Variants in ARID4A observed in about 807,000 individuals in gnomAD.
ARID4A encodes AT-rich interactive domain-containing protein 4A.
ARID4A carries 39 observed loss-of-function variants against 148.6 expected under a neutral mutation model. That is an observed-to-expected ratio of 0.26 (90% CI 0.20 to 0.34). The LOEUF (loss-of-function observed/expected upper bound fraction) is 0.34. Among genes scored for constraint, ARID4A ranks in the 10% least tolerant of loss-of-function variants. ARID4A has a pLI of 1.00. For missense variants in ARID4A, 1,265 were observed against 1,449.1 expected (o/e 0.87, Z 2.06); for synonymous variants, 475 against 481.2 (o/e 0.99, Z 0.17).
rs375919762 is a variant in ARID4A at position 58,354,261 on chromosome 14, G to A, written c.1853+406G>A. Among the ~76,000 whole-genome samples, 3 of 152,264 alleles carry A rather than the reference G, an allele frequency of 2.0e-5. No homozygotes were observed. In the East Asian group the frequency reaches 5.8e-4, roughly 29 times the overall value. ...GGAGCCAGGCCTGCAACTTCCAACCGTGCAAGTGTTTGTTTCATTAATCAG... is the reference window on the plus strand; with the variant it reads ...GGAGCCAGGCCTGCAACTTCCAACCATGCAAGTGTTTGTTTCATTAATCAG... On this transcript the variant is annotated intron_variant, in intron 17 of 23. Coordinates refer to ENST00000355431, the MANE Select transcript of ARID4A (RefSeq NM_002892.4).
intron 7 of ARID4A, among the ~76,000 whole-genome samples, chr14:58,320,080 C>T (rs751967009): frequency 6.7e-6 from 1 of 150,244 alleles, no homozygotes; most frequent in Non-Finnish European, 1.5e-5. Context: ...CCCGAGTAGT[C>T]AGAACTACAG....
chr14:58,365,102 G>A lies in ARID4A; in HGVS notation c.3013G>A (p.Val1005Ile), dbSNP rs779904335. 4.3e-6 allele frequency: 7 copies of A among 1,614,012 alleles called. No individual in the cohort carries two copies. The South Asian group carries it at 7.7e-5, about 18-fold the overall frequency. ...TCCTGTAGTCCAACATAACTTTTCA[G>A]TAGCTTCACCACTTACTCTTAGTCA... ...LPPVVQHNFS[V>I]ASPLTLSQDE... The change falls in exon 20 of 24, where the codon GTA (valine) becomes ATA (isoleucine). Residue 1005 changes from valine to isoleucine, a missense_variant. This residue lies in a region of ARID4A where 666 missense variants were observed against 730.9 expected (regional missense o/e 0.91). Coordinates refer to ENST00000355431, the MANE Select transcript of ARID4A (RefSeq NM_002892.4).
In ARID4A at chr14:58,367,162, A is replaced by G. The variant is rs113596646; in HGVS notation, c.3670+133A>G. Reference sequence around the variant, plus strand: ...TGTTTTTAAATTCCTAGTGTTTTCTATTGTTGAAATGAGTAGGTCAGCAAC... The same window carrying G: ...TGTTTTTAAATTCCTAGTGTTTTCTGTTGTTGAAATGAGTAGGTCAGCAAC... On this transcript the variant is annotated intron_variant, in intron 23 of 23. Transcript: ENST00000355431. The G allele has an allele frequency of 1.9e-5, 13 of 690,374 alleles. No homozygotes were observed. The Admixed American group carries it at 2.2e-4, about 12-fold the overall frequency. The allele number at this position is 690,374 out of a possible 1,614,324, so 42.8% of individuals were successfully genotyped here. A position where few individuals can be genotyped will look rare whatever the true frequency, so the allele number is the denominator to read the frequency against.
At chr14:58,363,701 A>AAAAAG (rs1161063152) in intron 19 of ARID4A, among the ~76,000 whole-genome samples, 3 of 152,174 alleles carry the variant, frequency 2.0e-5, no homozygotes, top group Non-Finnish European at 4.4e-5. Flanking sequence ...GTCTCAAAAA[A>AAAAAG]AAAAGAAAAG....
chr14:58,362,073 C>G (rs1369051771), intron 19 of ARID4A, among the ~76,000 whole-genome samples: 1 of 152,062 alleles, frequency 6.6e-6, no homozygotes, highest in Non-Finnish European at 1.5e-5. Context: ...TCCATGCATC[C>G]TAATGTGTGC....
chr14:58,333,464 T>C (rs991881716), intron 11 of ARID4A, among the ~76,000 whole-genome samples: 5 of 152,080 alleles, frequency 3.3e-5, no homozygotes, highest in South Asian at 2.1e-4. Flanking sequence ...ATGTGACCAG[T>C]GTTAGCTTTT....
intron 5 of ARID4A, among the ~76,000 whole-genome samples, chr14:58,315,495 A>G (rs1016828938): frequency 3.9e-5 from 6 of 152,180 alleles, no homozygotes; most frequent in African/African-American, 1.4e-4. Context: ...TTGGTCTTAC[A>G]TTCACATTTT....
intron 1 of ARID4A, chr14:58,299,311 A>G (rs2030901471): frequency 6.5e-6 from 1 of 153,546 alleles, no homozygotes; most frequent in African/African-American, 2.4e-5. Flanking sequence ...CATGGTGCAG[A>G]GCGAAGGAAG....
At chr14:58,352,291 C>A (rs1317330020) in intron 16 of ARID4A, among the ~76,000 whole-genome samples, 1 of 151,766 alleles carries the variant, frequency 6.6e-6, no homozygotes, top group African/African-American at 2.4e-5. Context: ...TTACATATGA[C>A]CTAGGTTAGT....
chr14:58,338,649 A>AGG (rs2033950875), intron 11 of ARID4A, among the ~76,000 whole-genome samples: 1 of 152,140 alleles, frequency 6.6e-6, no homozygotes, highest in Non-Finnish European at 1.5e-5. Context: ...TGGGGTGAGA[A>AGG]GGGTAGCCCA....
chr14:58,359,220 T>A lies in ARID4A; in HGVS notation c.1938+4T>A. The A allele has an allele frequency of 6.3e-7, 1 of 1,585,296 alleles. No individual in the cohort carries two copies. The stretch of plus-strand genomic sequence containing the variant: ...AAAACAGAAGAAAAAAGCTAAAGTA[T>A]GTTTGTAGATTTATGTCCTTTATAA... On this transcript the variant is annotated splice_donor_region_variant and intron_variant, in intron 18 of 23. Coordinates refer to ENST00000355431, the MANE Select transcript of ARID4A (RefSeq NM_002892.4).
intron 17 of ARID4A, among the ~76,000 whole-genome samples, chr14:58,356,847 G>A (rs956033528): frequency 1.3e-5 from 2 of 151,762 alleles, no homozygotes; most frequent in African/African-American, 4.8e-5. Context: ...GACTACAGAC[G>A]CACGCCACCA....
At chr14:58,304,377 G>T (rs1016793504) in intron 3 of ARID4A, among the ~76,000 whole-genome samples, 1 of 152,122 alleles carries the variant, frequency 6.6e-6, no homozygotes, top group African/African-American at 2.4e-5. Flanking sequence ...CCTAGATTTT[G>T]AATTTATTTG....
intron 5 of ARID4A, among the ~76,000 whole-genome samples, chr14:58,316,924 T>TG (rs138444543): frequency 1 from 151,250 of 151,252 alleles, 75,624 homozygotes; most frequent in Middle Eastern, 1. Flanking sequence ...CCAGGCGCGG[T>TG]GCTCACGCCT....
chr14:58,313,205 T>G (rs769215354), intron 5 of ARID4A, among the ~76,000 whole-genome samples: 2 of 152,164 alleles, frequency 1.3e-5, no homozygotes, highest in Non-Finnish European at 2.9e-5. Flanking sequence ...ATAGACAGAT[T>G]GATACAAGAG....
chr14:58,303,469 C>G (rs2031356764), intron 3 of ARID4A: 1 of 457,482 alleles, frequency 2.2e-6, no homozygotes, highest in Non-Finnish European at 4.6e-6. Flanking sequence ...AAATTATTGT[C>G]ATTGGTATTG....
Position 58,328,276 on chromosome 14 carries a change from A to C in ARID4A, c.622A>C (p.Lys208Gln), listed in dbSNP as rs1053813969. ...CTGTAATGATGACATCACAGTGAAA[A>C]AGGATCAGTGTTTAGTTCGATCATT... ...PSCNDDITVKKDQCLVRSFID... is the reference protein window; with the variant it reads ...PSCNDDITVKQDQCLVRSFID... The change falls in exon 9 of 24, where the codon AAG becomes CAG. Residue 208 changes from lysine (K) to glutamine (Q), a missense_variant. Coordinates refer to ENST00000355431, the MANE Select transcript of ARID4A (RefSeq NM_002892.4). The C allele has an allele frequency of 2.8e-5, 45 of 1,604,864 alleles. No individual in the cohort carries two copies. The highest frequency in any genetic ancestry group is 5.1e-6 in the Non-Finnish European group (6 of 1,172,088).
chr14:58,361,069 C>G, intron 19 of ARID4A, 27 bp downstream of exon 19: 1 of 1,597,992 alleles, frequency 6.3e-7, no homozygotes, highest in Non-Finnish European at 8.5e-7. Context: ...CAGCAATATA[C>G]CAGACAGCTC....
intron 5 of ARID4A, among the ~76,000 whole-genome samples, chr14:58,317,315 T>G (rs1287666258): frequency 1.3e-5 from 2 of 148,800 alleles, no homozygotes; most frequent in Non-Finnish European, 3.0e-5. Context: ...GACGGAGTCT[T>G]GCTCTGTCGT....
Sources: gnomAD v4.1 joint callset for allele counts (sites outside exome capture counted in the v4.1 genomes callset) on GRCh38, gnomAD v4.1.1 for gene constraint, gnomAD v4.1.1 regional missense constraint, MANE v1.5 for transcripts, NCBI Gene and HGNC (gene_info 2026-07-23, HGNC 2026-07-21) for gene names.